Variants in CEP85 observed in about 807,000 individuals in gnomAD.
CEP85 encodes the protein centrosomal protein of 85 kDa.
A neutral mutation model predicts 93.7 loss-of-function variants in CEP85; 58 were observed. That is an observed-to-expected ratio of 0.62 (90% confidence interval 0.50 to 0.77). The LOEUF (loss-of-function observed/expected upper bound fraction) is 0.77. Ranked by LOEUF, CEP85 falls within the 30% of genes least tolerant of loss-of-function variation. The probability of loss-of-function intolerance (pLI) is 0.00; values close to 1 mark genes in which losing one functional copy is unlikely to be tolerated. For synonymous variants in CEP85, 314 were observed against 338.6 expected (o/e 0.93, Z 0.80); for missense variants, 868 against 922.0 (o/e 0.94, Z 0.76).
intron 11 of CEP85, 40 bp from the exon 12 acceptor site, chr1:26,274,923 AC>A: frequency 6.7e-7 from 1 of 1,487,152 alleles, no homozygotes; most frequent in Non-Finnish European, 9.2e-7. Context: ...CAGACTTGTT[AC>A]CCCTACTGTG....
chr1:26,256,036 G>T (rs1048019017), intron 4 of CEP85, among the ~76,000 whole-genome samples, 171 bp downstream of exon 4: 3 of 152,190 alleles, frequency 2.0e-5, no homozygotes, highest in African/African-American at 7.2e-5. Flanking sequence ...CTGTTTGGTA[G>T]TCAAATTAAG....
intron 12 of CEP85, 63 bp downstream of exon 12, chr1:26,275,134 TC>T: frequency 8.2e-7 from 1 of 1,212,504 alleles, no homozygotes; most frequent in Non-Finnish European, 1.2e-6. Context: ...TTGTTTGCCC[TC>T]CCCATCTCTA....
rs1213688781 is a variant in CEP85 at position 26,276,567 on chromosome 1, G to T, written c.1935G>T (p.Lys645Asn). 6.2e-7 allele frequency: 1 copy of T among 1,614,228 alleles called. No individual in the cohort carries two copies. Among genetic ancestry groups the T allele is most frequent in the Admixed American group, 1.7e-5 (1 of 60,028 alleles). ...TGCAAAACCAGGACTTGATTGAGAA[G>T]AATCTGACACTCCAGGAACACCTGC... ...LSVQNQDLIE[K>N]NLTLQEHLRQ... The change falls in exon 13 of 14, where the codon AAG becomes AAT. Residue 645 changes from lysine to asparagine, a missense_variant. By Grantham distance (94) the Lys-to-Asn change is moderately conservative (BLOSUM62 0). Coordinates refer to ENST00000451429, the MANE Select transcript of CEP85 (RefSeq NM_001319944.2).
At chr1:26,269,839 T>C (rs1409311244) in intron 9 of CEP85, among the ~76,000 whole-genome samples, 1 of 125,734 alleles carries the variant, frequency 8.0e-6, no homozygotes, top group Non-Finnish European at 1.6e-5. Flanking sequence ...CAGGCTGGAG[T>C]GCAGTGGTGC....
chr1:26,276,973 A>G (rs560153111), intron 13 of CEP85, among the ~76,000 whole-genome samples, 163 bp from the exon 14 acceptor site: 2 of 152,304 alleles, frequency 1.3e-5, no homozygotes, highest in South Asian at 4.1e-4. Flanking sequence ...GGACAAACTA[A>G]AAGTGGACCT....
chr1:26,271,799 A>C, intron 10 of CEP85: 1 of 566,736 alleles, frequency 1.8e-6, no homozygotes, highest in Non-Finnish European at 3.2e-6. Context: ...TTCACACTAC[A>C]TTCCTGTATA....
intron 4 of CEP85, 68 bp from the exon 5 acceptor site, chr1:26,257,529 T>G: frequency 6.3e-7 from 1 of 1,581,448 alleles, no homozygotes; most frequent in Non-Finnish European, 8.6e-7. Context: ...CCCAGCTGAT[T>G]ACTGCTCAGG....
At chr1:26,245,166 A>G (rs1439159460) in intron 3 of CEP85, among the ~76,000 whole-genome samples, 1 of 147,582 alleles carries the variant, frequency 6.8e-6, no homozygotes, top group Non-Finnish European at 1.5e-5. Flanking sequence ...GACTACTAGC[A>G]TGGTGCCACC....
chr1:26,267,503 G>A (rs927118832), intron 7 of CEP85, among the ~76,000 whole-genome samples: 3 of 152,154 alleles, frequency 2.0e-5, no homozygotes, highest in South Asian at 4.1e-4. Flanking sequence ...GGCGAAGGTC[G>A]CAGTGAGCCA....
At chr1:26,275,288 T>G (rs536418423) in intron 12 of CEP85, among the ~76,000 whole-genome samples, 12 of 151,822 alleles carry the variant, frequency 7.9e-5, no homozygotes, top group African/African-American at 2.4e-4. Flanking sequence ...GGAAGGTTTT[T>G]TTTTTTTTTT....
chr1:26,259,981 C>T (rs1175294099), intron 7 of CEP85, among the ~76,000 whole-genome samples, 179 bp downstream of exon 7: 1 of 152,128 alleles, frequency 6.6e-6, no homozygotes, highest in African/African-American at 2.4e-5. Flanking sequence ...ACTCTCCTCC[C>T]TCCCTCATTT....
intron 7 of CEP85, among the ~76,000 whole-genome samples, chr1:26,262,521 G>T (rs2089827419): frequency 6.6e-6 from 1 of 151,898 alleles, no homozygotes; most frequent in Non-Finnish European, 1.5e-5. Flanking sequence ...GGGGGGCGGG[G>T]GATGTGACTG....
chr1:26,250,925 C>CTTTTTTTTTTTTTTTTTTT (rs71581048), intron 3 of CEP85, among the ~76,000 whole-genome samples: 1 of 55,134 alleles, frequency 1.8e-5, no homozygotes, highest in African/African-American at 5.9e-5. Flanking sequence ...TTTTTTTTTT[C>CTTTTTTTTTTTTTTTTTTT]TTTTTTCTTT....
chr1:26,253,763 C>T (rs1027201463), intron 3 of CEP85, among the ~76,000 whole-genome samples: 3 of 151,564 alleles, frequency 2.0e-5, no homozygotes, highest in African/African-American at 7.3e-5. Context: ...TGCTTAAGGC[C>T]GGGCATGGTG....
rs1553159974 is a variant in CEP85 at position 26,256,928 on chromosome 1, G to GGGGTGTGTGTGTGTGTGT, written c.904-668_904-667insGGTGTGTGTGTGTGTGTG. Among the ~76,000 whole-genome samples the GGGGTGTGTGTGTGTGTGT allele has an allele frequency of 4.8e-3, 530 of 111,482 alleles. 7 individuals are homozygous for GGGGTGTGTGTGTGTGTGT. Among genetic ancestry groups the GGGGTGTGTGTGTGTGTGT allele is most frequent in the African/African-American group, 0.015 (449 of 29,584 alleles). 73.1% of individuals were successfully genotyped at this position (111,482 alleles called of 152,430 possible). A position where few individuals can be genotyped will look rare whatever the true frequency, so the allele number is the denominator to read the frequency against. On this transcript the variant is annotated intron_variant, in intron 4 of 13. Transcript: ENST00000451429. ...TCCTTTTTTTGTTTTGTTTTGTTTT[G>GGGGTGTGTGTGTGTGTGT]GTGTGTGTGTGTGTGTGTGTGTGTG...
At chr1:26,274,790 G>A (rs759247766) in intron 11 of CEP85, among the ~76,000 whole-genome samples, 174 bp from the exon 12 acceptor site, 5 of 152,114 alleles carry the variant, frequency 3.3e-5, no homozygotes, top group African/African-American at 4.8e-5. Context: ...TGTGGTCAAG[G>A]GCTATAGGAG....
intron 3 of CEP85, among the ~76,000 whole-genome samples, chr1:26,252,987 A>T (rs1488691312): frequency 6.6e-6 from 1 of 152,138 alleles, no homozygotes; most frequent in Non-Finnish European, 1.5e-5. Flanking sequence ...TATAAGTAAG[A>T]ACGTGCAGTA....
chr1:26,272,803 A>G (rs1171149561), intron 11 of CEP85, among the ~76,000 whole-genome samples: 1 of 151,562 alleles, frequency 6.6e-6, no homozygotes. Flanking sequence ...TAATTTTTGT[A>G]TTTTTTGTAG....
chr1:26,257,838 A>C (rs1401793521), intron 5 of CEP85, 108 bp downstream of exon 5: 7 of 1,257,754 alleles, frequency 5.6e-6, no homozygotes, highest in Non-Finnish European at 7.8e-6. Flanking sequence ...GTTTAGGTCC[A>C]TGTCTTGCCT....
Sources: gnomAD v4.1 joint callset for allele counts (sites outside exome capture counted in the v4.1 genomes callset) on GRCh38, gnomAD v4.1.1 for gene constraint, MANE v1.5 for transcripts, NCBI Gene and HGNC (gene_info 2026-07-23, HGNC 2026-07-21) for gene names.